SHANK2: variants seen among roughly 807,000 people sequenced by gnomAD.
SHANK2 encodes the protein SH3 and multiple ankyrin repeat domains protein 2.
In SHANK2, 43 loss-of-function variants were observed where a neutral mutation model predicts 133.7. That is an observed-to-expected ratio of 0.32 (90% confidence interval 0.25 to 0.41). The LOEUF is 0.41. Ranked by LOEUF, SHANK2 falls within the 10% of genes least tolerant of loss-of-function variation. The pLI, the probability that SHANK2 is intolerant of heterozygous loss-of-function variation, is 1.00. For synonymous variants in SHANK2, 1,017 were observed against 952.8 expected (o/e 1.07, Z -1.24); for missense variants, 1,994 against 2,235.8 (o/e 0.89, Z 2.18).
At chr11:70,746,774 G>A (rs1038102758) in intron 14 of SHANK2, among the ~76,000 whole-genome samples, 10 of 151,644 alleles carry the variant, frequency 6.6e-5, no homozygotes, top group South Asian at 6.2e-4. Flanking sequence ...CATGTCACAC[G>A]ACCTCCCACC....
At chr11:70,855,712 G>C (rs564279500) in intron 11 of SHANK2, among the ~76,000 whole-genome samples, 5 of 152,202 alleles carry the variant, frequency 3.3e-5, no homozygotes, top group Non-Finnish European at 7.3e-5. Context: ...CACAAAAAAT[G>C]TAAGATGAAC....
At chr11:70,949,370 CA>C (rs879984438) in intron 10 of SHANK2, among the ~76,000 whole-genome samples, 9 of 152,206 alleles carry the variant, frequency 5.9e-5, no homozygotes, top group Non-Finnish European at 1.2e-4. Flanking sequence ...GGGGGCGCAT[CA>C]TCTTAGCAAA....
chr11:70,887,766 T>C (rs1555073806), intron 11 of SHANK2, among the ~76,000 whole-genome samples: 1 of 152,154 alleles, frequency 6.6e-6, no homozygotes. Context: ...TTTACCCACT[T>C]TGAAGCACCA....
At chr11:71,112,176 C>T (rs1302738105) in intron 5 of SHANK2, among the ~76,000 whole-genome samples, 2 of 152,192 alleles carry the variant, frequency 1.3e-5, no homozygotes, top group African/African-American at 4.8e-5. Flanking sequence ...GATGGATCAC[C>T]TAAAGTCAGG....
chr11:71,099,068 C>T (rs577505429), intron 6 of SHANK2, among the ~76,000 whole-genome samples: 2 of 152,086 alleles, frequency 1.3e-5, no homozygotes. Flanking sequence ...AGCCCCTAAT[C>T]GTGAAAACAC....
chr11:71,075,535 G>A (rs1488511644), intron 8 of SHANK2, among the ~76,000 whole-genome samples: 1 of 152,188 alleles, frequency 6.6e-6, no homozygotes, highest in Non-Finnish European at 1.5e-5. Context: ...GAGACAGAGG[G>A]TCTGGGAAGG....
At chr11:71,221,277 A>T (rs1433079880) in intron 2 of SHANK2, among the ~76,000 whole-genome samples, 4 of 152,216 alleles carry the variant, frequency 2.6e-5, no homozygotes, top group African/African-American at 9.6e-5. Flanking sequence ...AAAAATAAAA[A>T]CAAAATTTCA....
At chr11:70,947,554 C>T (rs891281325) in intron 10 of SHANK2, among the ~76,000 whole-genome samples, 4 of 151,966 alleles carry the variant, frequency 2.6e-5, no homozygotes, top group Admixed American at 1.3e-4. Flanking sequence ...TTAATAGAGA[C>T]GGGGTTTCAC....
At chr11:71,079,846 G>A in intron 8 of SHANK2, among the ~76,000 whole-genome samples, 1 of 96,286 alleles carries the variant, frequency 1.0e-5, no homozygotes, top group East Asian at 3.5e-4. Context: ...GGAGGGGAAG[G>A]AAGGGGAGGG....
intron 14 of SHANK2, among the ~76,000 whole-genome samples, chr11:70,761,321 CGAG>C (rs782417095): frequency 3.3e-5 from 5 of 152,244 alleles, no homozygotes; most frequent in Middle Eastern, 3.4e-3. Context: ...GGGGGCATAG[CGAG>C]GAGGTGTCCA....
chr11:70,899,162 CTTGAATTAT>C (rs782164126), intron 10 of SHANK2, among the ~76,000 whole-genome samples: 29 of 152,166 alleles, frequency 1.9e-4, no homozygotes, highest in Non-Finnish European at 1.5e-4. Context: ...CAAATCTTAT[CTTGAATTAT>C]AATCCCCATG....
intron 17 of SHANK2, among the ~76,000 whole-genome samples, chr11:70,525,637 T>C (rs2059386207): frequency 6.6e-6 from 1 of 152,002 alleles, no homozygotes; most frequent in South Asian, 2.1e-4. Context: ...CCTGGTACTG[T>C]GCAGCCCCAC....
chr11:70,801,700 C>T (rs1555050559), intron 13 of SHANK2, among the ~76,000 whole-genome samples: 1 of 152,078 alleles, frequency 6.6e-6, no homozygotes, highest in African/African-American at 2.4e-5. Flanking sequence ...AGAGACTTGG[C>T]CCCATCACTG....
rs79329988 is a variant in SHANK2 at position 70,795,954 on chromosome 11, C to T, written c.1777+2489G>A. 4.9e-3 allele frequency among the ~76,000 whole-genome samples: 740 copies of T among 152,302 alleles called. 8 individuals carry two copies. Among genetic ancestry groups the T allele is most frequent in the African/African-American group, 0.017 (690 of 41,562 alleles). ...CCCGCATCAGCCCAGGTAGAAAATACGGTTTTATCAAGGACATTGTCCTGG... is the reference window on the plus strand; with the variant it reads ...CCCGCATCAGCCCAGGTAGAAAATATGGTTTTATCAAGGACATTGTCCTGG... On this transcript the variant is annotated intron_variant, in intron 14 of 25. Transcript: ENST00000601538.
intron 17 of SHANK2, among the ~76,000 whole-genome samples, chr11:70,654,677 T>C (rs2061382195): frequency 6.6e-6 from 1 of 152,178 alleles, no homozygotes; most frequent in South Asian, 2.1e-4. Context: ...CCATTGCCAC[T>C]GAACCATTCT....
At chr11:70,885,417 G>C (rs1431199807) in intron 11 of SHANK2, among the ~76,000 whole-genome samples, 1 of 152,214 alleles carries the variant, frequency 6.6e-6, no homozygotes, top group Non-Finnish European at 1.5e-5. Flanking sequence ...TGGGGGATCC[G>C]CAGTGGGACA....
At chr11:70,600,523 C>G (rs557001814) in intron 17 of SHANK2, among the ~76,000 whole-genome samples, 2 of 151,418 alleles carry the variant, frequency 1.3e-5, no homozygotes, top group Non-Finnish European at 2.9e-5. Flanking sequence ...TCAAATAATC[C>G]TGAAGAGATA....
At chr11:70,659,999 C>G in intron 16 of SHANK2, 47 bp from the exon 17 acceptor site, 1 of 1,613,762 alleles carries the variant, frequency 6.2e-7, no homozygotes, top group Admixed American at 1.7e-5. Context: ...AGATGTCTTC[C>G]AAGTTCACAT....
intron 10 of SHANK2, among the ~76,000 whole-genome samples, chr11:70,911,583 G>A (rs1270050786): frequency 6.6e-6 from 1 of 152,026 alleles, no homozygotes; most frequent in African/African-American, 2.4e-5. Context: ...GCTATCATTA[G>A]AATAAAATTA....
Sources: gnomAD v4.1 joint callset for allele counts (sites outside exome capture counted in the v4.1 genomes callset) on GRCh38, gnomAD v4.1.1 for gene constraint, MANE v1.5 for transcripts, NCBI Gene and HGNC (gene_info 2026-07-23, HGNC 2026-07-21) for gene names.